MOXD1: variants seen among roughly 807,000 people sequenced by gnomAD.
MOXD1 encodes DBH-like monooxygenase protein 1.
In MOXD1, 62 loss-of-function variants were observed where a neutral mutation model predicts 66.6. The observed-to-expected ratio is 0.93, with a 90% confidence interval of 0.76 to 1.15. MOXD1 has a LOEUF of 1.15. Among genes scored for constraint, MOXD1 ranks in the 50% most tolerant of loss-of-function variants. The pLI is 0.00. For missense variants in MOXD1, 847 were observed against 754.6 expected (o/e 1.12, Z -1.44); for synonymous variants, 303 against 281.9 (o/e 1.07, Z -0.75).
chr6:132,400,650 A>C (rs1038701351), intron 1 of MOXD1, among the ~76,000 whole-genome samples: 1 of 152,100 alleles, frequency 6.6e-6, no homozygotes, highest in Non-Finnish European at 1.5e-5. Flanking sequence ...GGGGCCCTTC[A>C]TTCTTCTGGA....
intron 6 of MOXD1, among the ~76,000 whole-genome samples, chr6:132,325,627 T>C (rs1412530521): frequency 6.6e-6 from 1 of 152,254 alleles, no homozygotes; most frequent in African/African-American, 2.4e-5. Flanking sequence ...CTGTTCATTA[T>C]AAATTACCCA....
chr6:132,383,810 C>T (rs1452720712), intron 1 of MOXD1, among the ~76,000 whole-genome samples: 2 of 152,184 alleles, frequency 1.3e-5, no homozygotes, highest in Non-Finnish European at 2.9e-5. Context: ...TGGCTCGCAC[C>T]TGTAATTCCA....
At chr6:132,385,730 G>T (rs1401241139) in intron 1 of MOXD1, among the ~76,000 whole-genome samples, 1 of 151,884 alleles carries the variant, frequency 6.6e-6, no homozygotes, top group East Asian at 2.0e-4. Context: ...GACCTCAAGC[G>T]ATCTGCCTGC....
In MOXD1 at chr6:132,400,866, A is replaced by G. The variant is rs185155598; in HGVS notation, c.264+297T>C. Among the ~76,000 whole-genome samples the G allele has an allele frequency of 2.1e-3, 315 of 152,222 alleles. 3 individuals carry two copies. The highest frequency in any genetic ancestry group is 7.3e-3 in the African/African-American group (305 of 41,540). ...TCCCATCAGGGATGAAGCGGGGTGT[A>G]TTGCAGGTGTGTAGGCGGGGGGGCG... is the stretch of plus-strand genomic sequence containing the variant. On this transcript the variant is annotated intron_variant, in intron 1 of 11. Transcript: ENST00000367963.
At chr6:132,304,926 C>T (rs771714131) in intron 10 of MOXD1, among the ~76,000 whole-genome samples, 1 of 152,152 alleles carries the variant, frequency 6.6e-6, no homozygotes, top group African/African-American at 2.4e-5. Flanking sequence ...ATTTTAAGAA[C>T]ATTTTGAGAG....
chr6:132,326,122 G>A (rs747980182), intron 6 of MOXD1, among the ~76,000 whole-genome samples: 5 of 151,958 alleles, frequency 3.3e-5, no homozygotes, highest in Non-Finnish European at 5.9e-5. Flanking sequence ...TTAGCTGTTT[G>A]GAGCATTAAT....
intron 4 of MOXD1, among the ~76,000 whole-genome samples, chr6:132,331,841 A>G (rs993954079): frequency 2.0e-5 from 3 of 152,160 alleles, no homozygotes; most frequent in African/African-American, 7.2e-5. Flanking sequence ...AGATGCATCA[A>G]GGACCCTGGA....
chr6:132,302,133 G>T (rs1049274177), intron 10 of MOXD1, among the ~76,000 whole-genome samples: 1 of 152,106 alleles, frequency 6.6e-6, no homozygotes, highest in Non-Finnish European at 1.5e-5. Context: ...ACAAGACTGG[G>T]CAATGAACAA....
intron 4 of MOXD1, among the ~76,000 whole-genome samples, chr6:132,369,279 G>A (rs759239179): frequency 1.3e-5 from 2 of 151,924 alleles, no homozygotes; most frequent in Non-Finnish European, 2.9e-5. Context: ...GCTGTCAATC[G>A]GAAAACGTTT....
At chr6:132,336,870 A>C (rs372410627) in intron 4 of MOXD1, among the ~76,000 whole-genome samples, 6 of 152,292 alleles carry the variant, frequency 3.9e-5, no homozygotes, top group Admixed American at 3.3e-4. Context: ...TGCCAGCCAC[A>C]ATTGGTAAGT....
chr6:132,360,157 T>A (rs994350382), intron 4 of MOXD1, among the ~76,000 whole-genome samples: 1 of 152,246 alleles, frequency 6.6e-6, no homozygotes, highest in Non-Finnish European at 1.5e-5. Context: ...AATGTTGAAG[T>A]CAGCGTCCTA....
chr6:132,299,839 T>A (rs921422929), intron 10 of MOXD1, among the ~76,000 whole-genome samples: 1 of 152,060 alleles, frequency 6.6e-6, no homozygotes, highest in Non-Finnish European at 1.5e-5. Context: ...AGCTGAAGAA[T>A]ATACATTAAT....
intron 10 of MOXD1, among the ~76,000 whole-genome samples, chr6:132,302,605 TC>T (rs1026546141): frequency 6.6e-6 from 1 of 152,172 alleles, no homozygotes; most frequent in African/African-American, 2.4e-5. Context: ...ATTAGAAGAC[TC>T]AATATTGTTA....
At position 132,349,422 on chromosome 6, in the gene MOXD1, C is replaced by CATATATATATATACAT. The variant is rs1368370318; in HGVS notation, c.664-20844_664-20829dup. Among the ~76,000 whole-genome samples the CATATATATATATACAT allele has an allele frequency of 2.2e-3, 82 of 36,926 alleles. 4 individuals are homozygous for CATATATATATATACAT. Among genetic ancestry groups the CATATATATATATACAT allele is most frequent in the Admixed American group, 4.9e-3 (15 of 3,038 alleles). The allele number at this position is 36,926 out of a possible 152,430, so 24.2% of individuals were successfully genotyped here. On this transcript the variant is annotated intron_variant, in intron 4 of 11. Coordinates refer to ENST00000367963, the MANE Select transcript of MOXD1 (RefSeq NM_015529.4). ...ATATATATACATATATATATATATA[C>CATATATATATATACAT]ATATATATATATACATATATATATA... is the stretch of plus-strand genomic sequence containing the variant.
chr6:132,384,484 A>T (rs1776585520), intron 1 of MOXD1, among the ~76,000 whole-genome samples: 1 of 152,226 alleles, frequency 6.6e-6, no homozygotes, highest in Admixed American at 6.5e-5. Context: ...TTTCTAAAGA[A>T]ACTTAAACAA....
chr6:132,322,726 T>C lies in MOXD1; in HGVS notation c.1258A>G (p.Asn420Asp). The C allele has an allele frequency of 1.2e-6, 2 of 1,614,016 alleles. No individual in the cohort carries two copies. The highest frequency in any genetic ancestry group is 1.7e-6 in the Non-Finnish European group (2 of 1,179,958). Residue 420 changes from asparagine (N) to aspartate (D), a missense_variant, in exon 8 of 12, where the codon AAT becomes GAT. Physicochemically the swap from Asn to Asp is conservative, Grantham distance 23. Coordinates refer to ENST00000367963, the MANE Select transcript of MOXD1 (RefSeq NM_015529.4). ...LLAYDDDFDF[N>D]FQEFQYLKEE... ...TTTAGATACTGAAACTCCTGGAAAT[T>C]GAAGTCAAAATCATCATCATAGGCA... is the stretch of plus-strand genomic sequence containing the variant.
rs3038136 is a variant in MOXD1, at chr6:132,378,875, C to CTTTTTTTTTTT, written c.265-4109_265-4099dup. Reference sequence around the variant, plus strand: ...AATGAAAGAGGACAGAACACTTCCTCTTTTTTTTTTTTTTTTTTTTTTTTT... The same window carrying CTTTTTTTTTTT: ...AATGAAAGAGGACAGAACACTTCCTCTTTTTTTTTTTTTTTTTTTTTTTTTTTTTTTTTTTT... On this transcript the variant is annotated intron_variant, in intron 1 of 11. Coordinates refer to ENST00000367963, the MANE Select transcript of MOXD1 (RefSeq NM_015529.4). Among the ~76,000 whole-genome samples, 55 of 41,914 alleles carry CTTTTTTTTTTT rather than the reference C, an allele frequency of 1.3e-3. 23 individuals carry two copies. Among genetic ancestry groups the CTTTTTTTTTTT allele is most frequent in the Non-Finnish European group, 2.7e-3 (42 of 15,744 alleles). The allele number at this position is 41,914 out of a possible 152,430, so 27.5% of individuals were successfully genotyped here.
intron 10 of MOXD1, among the ~76,000 whole-genome samples, chr6:132,309,081 T>C (rs1774762915): frequency 6.6e-6 from 1 of 152,168 alleles, no homozygotes; most frequent in Non-Finnish European, 1.5e-5. Flanking sequence ...AGTCAAATTA[T>C]CTCTGTTTGC....
At chr6:132,368,241 T>C (rs1395273201) in intron 4 of MOXD1, among the ~76,000 whole-genome samples, 1 of 151,990 alleles carries the variant, frequency 6.6e-6, no homozygotes, top group Non-Finnish European at 1.5e-5. Context: ...CAACCGTCTT[T>C]AAAAAATTTT....
Sources: allele counts gnomAD v4.1 joint callset (sites outside exome capture counted in the v4.1 genomes callset), GRCh38; gene constraint gnomAD v4.1.1; transcripts MANE v1.5; gene names NCBI Gene and HGNC (gene_info 2026-07-23, HGNC 2026-07-21).